The following MRPS5 variants were observed in gnomAD, a reference collection of about 807,000 sequenced individuals.
MRPS5 encodes small ribosomal subunit protein uS5m.
Under a neutral mutation model 51.9 loss-of-function variants are expected in MRPS5, and 27 were observed. That is an observed-to-expected ratio of 0.52 (90% CI 0.38 to 0.72). The LOEUF (loss-of-function observed/expected upper bound fraction) is 0.72. Ranked by LOEUF, MRPS5 falls within the 30% of genes least tolerant of loss-of-function variation. The probability of loss-of-function intolerance (pLI) is 0.00; values close to 1 mark genes in which losing one functional copy is unlikely to be tolerated. For synonymous variants in MRPS5, 196 were observed against 193.2 expected (o/e 1.01, Z -0.12); for missense variants, 570 against 545.7 (o/e 1.04, Z -0.44).
chr2:95,097,918 C>A (rs533412438), intron 10 of MRPS5, among the ~76,000 whole-genome samples: 3 of 152,026 alleles, frequency 2.0e-5, no homozygotes, highest in South Asian at 2.1e-4. Context: ...GGCAACCTAC[C>A]GAATGGGAGA....
intron 1 of MRPS5, among the ~76,000 whole-genome samples, chr2:95,118,602 G>GT (rs765506952): frequency 3.4e-4 from 52 of 152,328 alleles, no homozygotes; most frequent in Non-Finnish European, 6.3e-4. Context: ...ATCCTACAAT[G>GT]TTCCCCCTTC....
rs1457990235 is a variant in MRPS5 at position 95,086,651 on chromosome 2, C to A, written c.*706G>T. 6.6e-6 allele frequency among the ~76,000 whole-genome samples: 1 copy of A among 152,074 alleles called. No individual in the cohort carries two copies. The highest frequency in any genetic ancestry group is 1.5e-5 in the Non-Finnish European group (1 of 68,032). Reference sequence around the variant, plus strand: ...AAGAAATAAAAATATATATATTCCACAGAATGGGTAAAAACTTCTGTAAAG... The same window carrying A: ...AAGAAATAAAAATATATATATTCCAAAGAATGGGTAAAAACTTCTGTAAAG... On this transcript the variant is annotated 3_prime_UTR_variant, in exon 12 of 12. Transcript: ENST00000272418.
chr2:95,107,231 T>G (rs1675976047), intron 5 of MRPS5, among the ~76,000 whole-genome samples: 1 of 152,216 alleles, frequency 6.6e-6, no homozygotes, highest in African/African-American at 2.4e-5. Flanking sequence ...GAAGCCAGTT[T>G]CAGATACTCT....
intron 7 of MRPS5, chr2:95,104,383 A>C (rs541720766): frequency 2.1e-4 from 101 of 491,948 alleles, no homozygotes; most frequent in African/African-American, 1.9e-3. Context: ...ATTATACATA[A>C]TAAAATAATG....
In MRPS5 at chr2:95,117,945, C is replaced by A; in HGVS notation, c.59G>T (p.Gly20Val). The A allele has an allele frequency of 6.3e-7, 1 of 1,589,032 alleles. No homozygotes were observed. The highest frequency in any genetic ancestry group is 8.5e-7 in the Non-Finnish European group (1 of 1,173,634). ...CLPVLCSGTA[G>V]HLLGRQCSLN... ...GGAACACTGCCTCCCCAATAAATGA[C>A]CTGCAAATTGGAAAAAAAAAAATTT... The change falls in exon 2 of 12, where the codon GGT (glycine) becomes GTT (valine). Residue 20 changes from glycine (G) to valine (V), a missense_variant and splice_region_variant. Transcript: ENST00000272418.
chr2:95,087,394 C>G lies in MRPS5; in HGVS notation c.1256G>C (p.Arg419Pro), dbSNP rs139415735. 1.2e-6 allele frequency: 2 copies of G among 1,614,018 alleles called. No individual in the cohort carries two copies. The highest frequency in any genetic ancestry group is 1.3e-5 in the African/African-American group (1 of 74,890). The change falls in exon 12 of 12, where the codon CGC becomes CCC. Residue 419 changes from arginine to proline, a missense_variant. Coordinates refer to ENST00000272418, the MANE Select transcript of MRPS5 (RefSeq NM_031902.5). ...EDVKTAQGMK[R>P]SVWSNLKRAA... ...TCTCTTCAAATTAGACCACACAGAG[C>G]GCTTCATTCCCTGTGCAGTCTTCAC...
In MRPS5 at chr2:95,085,828, A is replaced by G. The variant is rs1235923753; in HGVS notation, c.*1529T>C. On this transcript the variant is annotated 3_prime_UTR_variant, in exon 12 of 12. Coordinates refer to ENST00000272418, the MANE Select transcript of MRPS5 (RefSeq NM_031902.5). The stretch of plus-strand genomic sequence containing the variant: ...TACAGCCAAAGTCACTCATCATAAC[A>G]AGAACTAGGACATTGTAAACTTGAA... Among the ~76,000 whole-genome samples the G allele has an allele frequency of 2.6e-5, 4 of 152,222 alleles. No individual in the cohort carries two copies. Among genetic ancestry groups the G allele is most frequent in the Non-Finnish European group, 5.9e-5 (4 of 68,044 alleles).
chr2:95,110,230 G>A lies in MRPS5; in HGVS notation c.278-189C>T, dbSNP rs1422028719. 1.4e-4 allele frequency among the ~76,000 whole-genome samples: 22 copies of A among 152,288 alleles called. No individual in the cohort carries two copies. The South Asian group carries it at 3.5e-3, about 24-fold the overall frequency. ...GTTACACTTGGAAAGCCCAAGAAGAGACAATTCTATTACTTTCCTCCACAA... is the reference window on the plus strand; with the variant it reads ...GTTACACTTGGAAAGCCCAAGAAGAAACAATTCTATTACTTTCCTCCACAA... On this transcript the variant is annotated intron_variant, in intron 3 of 11. Coordinates refer to ENST00000272418, the MANE Select transcript of MRPS5 (RefSeq NM_031902.5).
Position 95,086,532 on chromosome 2 carries a change from G to A in MRPS5, c.*825C>T, listed in dbSNP as rs1034226260. On this transcript the variant is annotated 3_prime_UTR_variant, in exon 12 of 12. Coordinates refer to ENST00000272418, the MANE Select transcript of MRPS5 (RefSeq NM_031902.5). ...ACAGACTGGAAAAAAAATAAACAGC[G>A]CCTCAGGGACTCACGGGACAATAGT... Among the ~76,000 whole-genome samples the A allele has an allele frequency of 2.2e-4, 33 of 152,154 alleles. No homozygotes were observed. The highest frequency in any genetic ancestry group is 7.5e-4 in the African/African-American group (31 of 41,492).
chr2:95,093,365 GCA>G (rs1675527012), intron 10 of MRPS5: 2 of 152,254 alleles, frequency 1.3e-5, no homozygotes, highest in Admixed American at 6.5e-5. Flanking sequence ...GGTTCTCCCA[GCA>G]CAGTGTTTGA....
chr2:95,111,593 T>C (rs1301025315), intron 3 of MRPS5, among the ~76,000 whole-genome samples: 1 of 152,194 alleles, frequency 6.6e-6, no homozygotes, highest in Admixed American at 6.5e-5. Flanking sequence ...TAGTCAACCT[T>C]TGAATGCCAT....
At chr2:95,096,982 T>C (rs1339822599) in intron 10 of MRPS5, among the ~76,000 whole-genome samples, 1 of 152,186 alleles carries the variant, frequency 6.6e-6, no homozygotes, top group Non-Finnish European at 1.5e-5. Flanking sequence ...ATAAGTAACT[T>C]CAGCAAAGTC....
At chr2:95,105,287 T>C (rs1174810819) in intron 6 of MRPS5, among the ~76,000 whole-genome samples, 1 of 152,164 alleles carries the variant, frequency 6.6e-6, no homozygotes, top group East Asian at 1.9e-4. Flanking sequence ...CAGTGGCTCA[T>C]GCCTGTAATC....
intron 10 of MRPS5, chr2:95,090,865 A>C: frequency 1.3e-5 from 3 of 231,006 alleles, no homozygotes; most frequent in East Asian, 1.0e-4. Flanking sequence ...GTCTCTTCTC[A>C]CCCTCCTTGA....
rs1413860462 is a variant in MRPS5, at chr2:95,115,177, C to G, written c.166G>C (p.Asp56His). 1.9e-6 allele frequency: 3 copies of G among 1,605,086 alleles called. No homozygotes were observed. The change falls in exon 3 of 12, where the codon GAC (aspartate) becomes CAC (histidine). Residue 56 changes from aspartate to histidine, a missense_variant. Asp to His is a moderately conservative substitution (Grantham distance 81, BLOSUM62 -1). Coordinates refer to ENST00000272418, the MANE Select transcript of MRPS5 (RefSeq NM_031902.5). ...CTCAAGCTGGCGTAGGGATGGGTGTCTCTGGTTCCCAGTGATGACAAATGG... is the reference window on the plus strand; with the variant it reads ...CTCAAGCTGGCGTAGGGATGGGTGTGTCTGGTTCCCAGTGATGACAAATGG... The part of the protein sequence containing the change: ...NGHLSSLGTR[D>H]THPYASLSRA...
intron 10 of MRPS5, chr2:95,092,353 C>T (rs1367274060): frequency 6.6e-6 from 1 of 152,218 alleles, no homozygotes; most frequent in Admixed American, 6.5e-5. Flanking sequence ...ATTCATATTG[C>T]ATGGCAGTGC....
intron 11 of MRPS5, among the ~76,000 whole-genome samples, chr2:95,090,160 G>C (rs1357850664): frequency 7.7e-6 from 1 of 129,230 alleles, no homozygotes; most frequent in African/African-American, 2.9e-5. Context: ...CTGGGTGACA[G>C]AGCGAGACTC....
chr2:95,108,933 T>A (rs1676035565), intron 4 of MRPS5, among the ~76,000 whole-genome samples: 1 of 152,070 alleles, frequency 6.6e-6, no homozygotes, highest in Non-Finnish European at 1.5e-5. Flanking sequence ...TAATAACAAT[T>A]TAATACATAA....
chr2:95,120,587 T>C (rs576257394), intron 1 of MRPS5, among the ~76,000 whole-genome samples: 2 of 152,318 alleles, frequency 1.3e-5, no homozygotes, highest in East Asian at 3.9e-4. Context: ...GTGAATTATG[T>C]CTCAACAAGG....
Sources: allele counts gnomAD v4.1 joint callset (sites outside exome capture counted in the v4.1 genomes callset), GRCh38; gene constraint gnomAD v4.1.1; transcripts MANE v1.5; gene names NCBI Gene and HGNC (gene_info 2026-07-23, HGNC 2026-07-21).